Variants in CD55 observed in about 807,000 individuals in gnomAD.
CD55 encodes complement decay-accelerating factor.
A neutral mutation model predicts 45.8 loss-of-function variants in CD55; 41 were observed. That is an observed-to-expected ratio of 0.90 (90% CI 0.70 to 1.16). CD55 has a LOEUF of 1.16. Among genes scored for constraint, CD55 ranks in the 50% most tolerant of loss-of-function variants. The probability of loss-of-function intolerance (pLI) is 0.00; values close to 1 mark genes in which losing one functional copy is unlikely to be tolerated. For missense variants in CD55, 416 were observed against 469.8 expected, an observed-to-expected ratio of 0.89 and a Z score of 1.06; for synonymous variants, 181 against 181.1, an observed-to-expected ratio of 1.00 and a Z score of 0.01.
intron 9 of CD55, among the ~76,000 whole-genome samples, chr1:207,355,789 C>T (rs1656054762): frequency 6.6e-6 from 1 of 152,142 alleles, no homozygotes; most frequent in African/African-American, 2.4e-5. Context: ...TGCTTTCTAG[C>T]TCTAAAATAA....
intron 8 of CD55, 151 bp from the exon 9 acceptor site, chr1:207,339,246 T>C: frequency 1.7e-6 from 1 of 599,836 alleles, no homozygotes; most frequent in African/African-American, 1.9e-5. Context: ...TGTGTAATTG[T>C]TTTTATAAAT....
intron 8 of CD55, 74 bp from the exon 9 acceptor site, chr1:207,339,323 A>C: frequency 2.9e-6 from 3 of 1,039,686 alleles, no homozygotes; most frequent in Non-Finnish European, 3.0e-6. Context: ...TATTGATAGT[A>C]TATGAAATTG....
intron 9 of CD55, among the ~76,000 whole-genome samples, chr1:207,353,354 A>C (rs1455264765): frequency 1.3e-5 from 2 of 152,166 alleles, no homozygotes; most frequent in Non-Finnish European, 2.9e-5. Flanking sequence ...AAGAATAATA[A>C]ATAAGAAGTC....
At position 207,360,448 on chromosome 1, in the gene CD55, T is replaced by A. The variant is rs1404950354; in HGVS notation, c.*838T>A. The A allele has an allele frequency of 6.6e-6, 1 of 152,158 alleles. No homozygotes were observed. The highest frequency in any genetic ancestry group is 2.4e-5 in the African/African-American group (1 of 41,448). 9.4% of individuals were successfully genotyped at this position (152,158 alleles called of 1,614,324 possible). On this transcript the variant is annotated 3_prime_UTR_variant, in exon 10 of 10. Transcript: ENST00000367064. The stretch of plus-strand genomic sequence containing the variant: ...AAAACAAGAAAAGTTGAAGAAGATA[T>A]GTGAAGAAAAATGTATTTTTCCTAA...
At chr1:207,331,063 T>G in intron 5 of CD55, 45 bp from the exon 6 acceptor site, 1 of 1,285,272 alleles carries the variant, frequency 7.8e-7, no homozygotes, top group South Asian at 1.3e-5. Flanking sequence ...TAAAAATACT[T>G]TACTAGTTTT....
At chr1:207,352,222 A>G (rs1030324197) in intron 9 of CD55, among the ~76,000 whole-genome samples, 12 of 147,262 alleles carry the variant, frequency 8.1e-5, no homozygotes, top group South Asian at 2.3e-4. Flanking sequence ...TTGGCTTTGT[A>G]TAAGTGTTTC....
intron 9 of CD55, among the ~76,000 whole-genome samples, chr1:207,344,567 G>A (rs960891547): frequency 1.3e-5 from 2 of 152,042 alleles, no homozygotes; most frequent in Non-Finnish European, 2.9e-5. Flanking sequence ...TTCTCTCCTG[G>A]CCTGTAAGGT....
At chr1:207,341,569 T>C (rs1655428247) in intron 9 of CD55, among the ~76,000 whole-genome samples, 1 of 152,210 alleles carries the variant, frequency 6.6e-6, no homozygotes, top group Admixed American at 6.5e-5. Context: ...GCTATAAATA[T>C]GTGGATTTAT....
intron 9 of CD55, among the ~76,000 whole-genome samples, chr1:207,350,942 C>T (rs865849563): frequency 3.9e-5 from 6 of 151,996 alleles, no homozygotes; most frequent in Middle Eastern, 3.4e-3. Flanking sequence ...GGTGATGTTA[C>T]TTTGTTAATT....
At chr1:207,324,965 T>G (rs1654605646) in intron 3 of CD55, among the ~76,000 whole-genome samples, 1 of 152,154 alleles carries the variant, frequency 6.6e-6, no homozygotes, top group African/African-American at 2.4e-5. Flanking sequence ...TAGTTTGAGG[T>G]TACCTAAAAT....
intron 5 of CD55, among the ~76,000 whole-genome samples, chr1:207,327,099 C>T (rs952609431): frequency 3.3e-5 from 5 of 152,176 alleles, no homozygotes; most frequent in Non-Finnish European, 5.9e-5. Flanking sequence ...TTGTATTGCA[C>T]TTGGTCATTT....
At chr1:207,332,159 T>G (rs28371615) in intron 6 of CD55, among the ~76,000 whole-genome samples, 3,055 of 152,136 alleles carry the variant, frequency 0.02, 108 homozygotes, top group African/African-American at 0.068. Flanking sequence ...GAGGTAACAA[T>G]TTTTTACAAA....
Position 207,332,313 on chromosome 1 carries a change from C to T in CD55, c.853+1017C>T, listed in dbSNP as rs537925634. 2.6e-5 allele frequency among the ~76,000 whole-genome samples: 4 copies of T among 152,092 alleles called. No individual in the cohort carries two copies. The South Asian group carries it at 8.3e-4, about 32-fold the overall frequency. ...GTTCTAGTTTGATTTTTTTTATGAA[C>T]TATTATTACAAATGATGCTATAATA... is the stretch of plus-strand genomic sequence containing the variant. On this transcript the variant is annotated intron_variant, in intron 6 of 9. Coordinates refer to ENST00000367064, the MANE Select transcript of CD55 (RefSeq NM_000574.5).
intron 9 of CD55, among the ~76,000 whole-genome samples, chr1:207,339,809 A>T (rs561939704): frequency 6.6e-6 from 1 of 152,302 alleles, no homozygotes; most frequent in South Asian, 2.1e-4. Context: ...TCAATATCCA[A>T]ACTTCCCTGA....
At chr1:207,340,728 A>G (rs1044332225) in intron 9 of CD55, 3 of 487,408 alleles carry the variant, frequency 6.2e-6, no homozygotes, top group Non-Finnish European at 1.1e-5. Flanking sequence ...TATCTTTGCT[A>G]TTGTGAATAG....
intron 9 of CD55, among the ~76,000 whole-genome samples, chr1:207,345,188 C>T (rs575021288): frequency 6.6e-6 from 1 of 152,028 alleles, no homozygotes; most frequent in Non-Finnish European, 1.5e-5. Context: ...GAATAGTTGG[C>T]CACTTTAGGG....
chr1:207,347,313 G>A, intron 9 of CD55: 1 of 427,882 alleles, frequency 2.3e-6, no homozygotes, highest in South Asian at 1.7e-5. Flanking sequence ...AGGCTGGAGT[G>A]CAGTGGCGTG....
chr1:207,348,880 G>C (rs951343690), intron 9 of CD55, among the ~76,000 whole-genome samples: 1 of 152,142 alleles, frequency 6.6e-6, no homozygotes, highest in African/African-American at 2.4e-5. Flanking sequence ...TTGTAGGGGT[G>C]TGGCTTTATA....
At position 207,356,592 on chromosome 1, in the gene CD55, A is replaced by G. The variant is rs919733808; in HGVS notation, c.1082-2954A>G. Among the ~76,000 whole-genome samples, 10 of 152,278 alleles carry G rather than the reference A, an allele frequency of 6.6e-5. No homozygotes were observed. In the South Asian group the frequency reaches 1.9e-3, roughly 28 times the overall value. Reference sequence around the variant, plus strand: ...TTTCTCACTTATATTAATAGATGCCAGTCCAGCTCAAAACAGCACAGTGGT... The same window carrying G: ...TTTCTCACTTATATTAATAGATGCCGGTCCAGCTCAAAACAGCACAGTGGT... On this transcript the variant is annotated intron_variant, in intron 9 of 9. Coordinates refer to ENST00000367064, the MANE Select transcript of CD55 (RefSeq NM_000574.5).
Sources: gnomAD v4.1 joint callset for allele counts (sites outside exome capture counted in the v4.1 genomes callset) on GRCh38, gnomAD v4.1.1 for gene constraint, MANE v1.5 for transcripts, NCBI Gene and HGNC (gene_info 2026-07-23, HGNC 2026-07-21) for gene names.